Variants in MCU observed in about 807,000 individuals in gnomAD.
The protein encoded by MCU is calcium uniporter protein, mitochondrial.
MCU carries 12 observed loss-of-function variants against 45.2 expected under a neutral mutation model. The ratio of observed to expected loss-of-function variants is 0.27; its 90% CI spans 0.17 to 0.43. MCU has a LOEUF of 0.43. Ranked by LOEUF, MCU falls within the 20% of genes least tolerant of loss-of-function variation. MCU has a pLI of 1.00. For missense variants in MCU, 324 were observed against 436.7 expected (o/e 0.74, Z 2.30); for synonymous variants, 160 against 165.1 (o/e 0.97, Z 0.24).
chr10:72,722,316 CAAAAAAAAAAAAA>C (rs35164146), intron 1 of MCU, among the ~76,000 whole-genome samples: 2 of 20,178 alleles, frequency 9.9e-5, no homozygotes, highest in African/African-American at 2.4e-4. Context: ...AACTCCATCT[CAAAAAAAAAAAAA>C]AAAAAAAAAA....
intron 2 of MCU, among the ~76,000 whole-genome samples, chr10:72,855,579 C>G (rs1845276633): frequency 2.0e-5 from 3 of 151,800 alleles, no homozygotes; most frequent in African/African-American, 7.3e-5. Flanking sequence ...AGGACCCTGT[C>G]TCTAAAAAAA....
At chr10:72,750,177 C>T (rs1356803024) in intron 1 of MCU, among the ~76,000 whole-genome samples, 1 of 152,100 alleles carries the variant, frequency 6.6e-6, no homozygotes, top group East Asian at 1.9e-4. Context: ...TGAGTGAGGT[C>T]TCCTTCATCT....
intron 6 of MCU, among the ~76,000 whole-genome samples, chr10:72,883,806 G>A (rs1790071720): frequency 6.6e-6 from 1 of 152,142 alleles, no homozygotes; most frequent in African/African-American, 2.4e-5. Context: ...AGTGAAGGTA[G>A]CCATATAAAT....
chr10:72,731,926 G>A (rs751770324), intron 1 of MCU, among the ~76,000 whole-genome samples: 2 of 152,062 alleles, frequency 1.3e-5, no homozygotes, highest in African/African-American at 4.8e-5. Flanking sequence ...ACAAATATTT[G>A]GACAAATATT....
At chr10:72,750,110 C>T (rs1843473410) in intron 1 of MCU, among the ~76,000 whole-genome samples, 1 of 151,950 alleles carries the variant, frequency 6.6e-6, no homozygotes, top group African/African-American at 2.4e-5. Flanking sequence ...TTGGAGAATC[C>T]TGGTAGGCTG....
intron 1 of MCU, among the ~76,000 whole-genome samples, chr10:72,738,480 C>T (rs1843281257): frequency 6.6e-6 from 1 of 152,064 alleles, no homozygotes. Context: ...AAAGTTTATG[C>T]TAAACAAGGA....
chr10:72,703,917 CAAA>C (rs988759746), intron 1 of MCU, among the ~76,000 whole-genome samples: 12 of 127,044 alleles, frequency 9.4e-5, no homozygotes, highest in Middle Eastern at 3.9e-3. Flanking sequence ...ACAACAACAA[CAAA>C]AAACAACTAA....
intron 1 of MCU, among the ~76,000 whole-genome samples, chr10:72,710,414 G>A (rs1842876828): frequency 6.6e-6 from 1 of 152,076 alleles, no homozygotes; most frequent in African/African-American, 2.4e-5. Flanking sequence ...CCTGAGTTAT[G>A]GATCCGAAGG....
intron 1 of MCU, among the ~76,000 whole-genome samples, chr10:72,802,699 T>G (rs1331707616): frequency 6.6e-6 from 1 of 152,238 alleles, no homozygotes; most frequent in African/African-American, 2.4e-5. Flanking sequence ...ACACTATTCC[T>G]TTGTATAATC....
chr10:72,774,457 G>A (rs887217636), intron 1 of MCU, among the ~76,000 whole-genome samples: 1 of 152,092 alleles, frequency 6.6e-6, no homozygotes, highest in African/African-American at 2.4e-5. Context: ...ACTAGGGAAA[G>A]TCACTTAACC....
At chr10:72,753,881 AAAAAAAAC>A (rs1345741797) in intron 1 of MCU, among the ~76,000 whole-genome samples, 1 of 151,700 alleles carries the variant, frequency 6.6e-6, no homozygotes, top group Non-Finnish European at 1.5e-5. Flanking sequence ...GACTTTGTCC[AAAAAAAAC>A]AAAAAAACAA....
chr10:72,714,343 G>GTTTTTTTTTTTTTTTTTTTT (rs1479850646), intron 1 of MCU, among the ~76,000 whole-genome samples: 5 of 49,484 alleles, frequency 1.0e-4, no homozygotes, highest in African/African-American at 2.2e-4. Flanking sequence ...CCCCGCCCTG[G>GTTTTTTTTTTTTTTTTTTTT]TCTTTTTTTT....
intron 1 of MCU, among the ~76,000 whole-genome samples, chr10:72,768,716 A>G (rs1843763362): frequency 6.6e-6 from 1 of 152,202 alleles, no homozygotes; most frequent in African/African-American, 2.4e-5. Context: ...TACAGTTAAG[A>G]TGACAATGCT....
At chr10:72,716,592 A>G (rs998228103) in intron 1 of MCU, among the ~76,000 whole-genome samples, 1 of 151,988 alleles carries the variant, frequency 6.6e-6, no homozygotes, top group African/African-American at 2.4e-5. Flanking sequence ...GATTCTCTAA[A>G]GGTTTTATAG....
intron 1 of MCU, among the ~76,000 whole-genome samples, chr10:72,822,342 G>T (rs1436833486): frequency 6.6e-6 from 1 of 151,900 alleles, no homozygotes; most frequent in East Asian, 1.9e-4. Context: ...CCAATACCAG[G>T]AACAACAAAA....
chr10:72,785,911 A>G (rs1376667082), intron 1 of MCU, among the ~76,000 whole-genome samples: 1 of 152,184 alleles, frequency 6.6e-6, no homozygotes, highest in Non-Finnish European at 1.5e-5. Context: ...AATATATACT[A>G]TGGGAATGTA....
At chr10:72,815,488 G>A (rs955388313) in intron 1 of MCU, among the ~76,000 whole-genome samples, 4 of 152,184 alleles carry the variant, frequency 2.6e-5, no homozygotes, top group African/African-American at 9.7e-5. Context: ...AATGGATAAA[G>A]AATTTGGTGG....
chr10:72,852,206 G>A lies in MCU; in HGVS notation c.221-6971G>A, dbSNP rs1023142643. On this transcript the variant is annotated intron_variant, in intron 2 of 7. Coordinates refer to ENST00000373053, the MANE Select transcript of MCU (RefSeq NM_138357.3). ...TCTCATGTTAGTGGTTCTGACTTCA[G>A]GAAACAGTAGATTAATTGTTAAGGA... Among the ~76,000 whole-genome samples, 27 of 152,114 alleles carry A rather than the reference G, an allele frequency of 1.8e-4. 1 individual carries two copies. Among genetic ancestry groups the A allele is most frequent in the Admixed American group, 1.8e-3 (27 of 15,264 alleles).
At chr10:72,771,322 A>C (rs993906738) in intron 1 of MCU, among the ~76,000 whole-genome samples, 3 of 152,128 alleles carry the variant, frequency 2.0e-5, no homozygotes, top group Non-Finnish European at 2.9e-5. Flanking sequence ...TTAGTTTGCT[A>C]AGAATGATGG....
Sources: gnomAD v4.1 joint callset for allele counts (sites outside exome capture counted in the v4.1 genomes callset) on GRCh38, gnomAD v4.1.1 for gene constraint, MANE v1.5 for transcripts, NCBI Gene and HGNC (gene_info 2026-07-23, HGNC 2026-07-21) for gene names.